Variants in GPC6 observed in about 807,000 individuals in gnomAD.
The protein encoded by GPC6 is glypican-6.
Under a neutral mutation model 55.2 loss-of-function variants are expected in GPC6, and 14 were observed. The ratio of observed to expected loss-of-function variants is 0.25; its 90% CI spans 0.17 to 0.40. The LOEUF is 0.40. Among genes scored for constraint, GPC6 ranks in the 10% least tolerant of loss-of-function variants. The probability of loss-of-function intolerance (pLI) is 1.00; values close to 1 mark genes in which losing one functional copy is unlikely to be tolerated. For missense variants in GPC6, 641 were observed against 708.5 expected, an observed-to-expected ratio of 0.90 and a Z score of 1.08; for synonymous variants, 278 against 259.6, an observed-to-expected ratio of 1.07 and a Z score of -0.68.
chr13:93,515,978 A>G (rs562529838), intron 1 of GPC6, among the ~76,000 whole-genome samples: 2 of 152,280 alleles, frequency 1.3e-5, no homozygotes, highest in South Asian at 4.1e-4. Flanking sequence ...GTCATTTCCT[A>G]AAAAATTCCC....
chr13:93,715,924 A>G (rs576989306), intron 2 of GPC6, among the ~76,000 whole-genome samples: 1 of 151,798 alleles, frequency 6.6e-6, no homozygotes, highest in African/African-American at 2.4e-5. Context: ...TGTCTATTCT[A>G]GATATCATAT....
At chr13:94,338,096 T>A (rs1230971507) in intron 6 of GPC6, among the ~76,000 whole-genome samples, 2 of 152,236 alleles carry the variant, frequency 1.3e-5, no homozygotes. Flanking sequence ...TTGAGGTTCT[T>A]CCTTAGCAAC....
intron 2 of GPC6, among the ~76,000 whole-genome samples, chr13:93,787,652 A>C (rs1442782884): frequency 6.6e-6 from 1 of 152,218 alleles, no homozygotes; most frequent in Non-Finnish European, 1.5e-5. Context: ...CCATCACCTT[A>C]AATATTTATC....
intron 4 of GPC6, among the ~76,000 whole-genome samples, chr13:94,144,404 AACACACACACACACACACAC>A (rs59772537): frequency 0.038 from 5,452 of 143,428 alleles, 140 homozygotes; most frequent in Non-Finnish European, 0.059. Flanking sequence ...GTGCTTTTAA[AACACACACACACACACACAC>A]ACACACACAC....
At chr13:93,529,212 G>A (rs180742954) in intron 1 of GPC6, among the ~76,000 whole-genome samples, 3 of 152,242 alleles carry the variant, frequency 2.0e-5, no homozygotes, top group African/African-American at 4.8e-5. Context: ...CTGATGTTAG[G>A]TCCTGCAGTT....
chr13:93,240,435 T>G (rs1285209353), intron 1 of GPC6, among the ~76,000 whole-genome samples: 1 of 152,200 alleles, frequency 6.6e-6, no homozygotes, highest in South Asian at 2.1e-4. Context: ...AATGTCTGAT[T>G]TATCTGATAT....
intron 3 of GPC6, among the ~76,000 whole-genome samples, chr13:93,976,477 A>C (rs370271788): frequency 7.9e-5 from 12 of 151,936 alleles, no homozygotes; most frequent in African/African-American, 2.2e-4. Flanking sequence ...TGACTAAAGA[A>C]TTAATACGAG....
At chr13:94,392,398 T>C (rs1880686072) in intron 7 of GPC6, among the ~76,000 whole-genome samples, 1 of 150,906 alleles carries the variant, frequency 6.6e-6, no homozygotes, top group African/African-American at 2.4e-5. Context: ...CTGGATCATA[T>C]GGTAATTCTA....
chr13:94,250,114 A>G (rs1460206416), intron 4 of GPC6, among the ~76,000 whole-genome samples: 2 of 152,180 alleles, frequency 1.3e-5, no homozygotes, highest in Non-Finnish European at 2.9e-5. Flanking sequence ...ACTGTGGATG[A>G]ACACCATGGA....
At chr13:93,841,977 A>G (rs1887970395) in intron 3 of GPC6, among the ~76,000 whole-genome samples, 2 of 152,202 alleles carry the variant, frequency 1.3e-5, no homozygotes, top group Non-Finnish European at 2.9e-5. Context: ...TATAGTAGGT[A>G]CAAATACAAG....
intron 2 of GPC6, among the ~76,000 whole-genome samples, chr13:93,620,075 C>CT (rs1203678279): frequency 6.6e-6 from 1 of 152,022 alleles, no homozygotes; most frequent in Non-Finnish European, 1.5e-5. Context: ...GACTTTATGC[C>CT]TTTTCTAAAG....
intron 4 of GPC6, among the ~76,000 whole-genome samples, chr13:94,121,901 C>A (rs1397960561): frequency 6.6e-6 from 1 of 152,064 alleles, no homozygotes; most frequent in Non-Finnish European, 1.5e-5. Context: ...CCTACCCAAC[C>A]ACTCATTCCA....
intron 1 of GPC6, among the ~76,000 whole-genome samples, chr13:93,499,117 A>ACACG (rs1880426326): frequency 6.6e-6 from 1 of 151,952 alleles, no homozygotes; most frequent in Non-Finnish European, 1.5e-5. Context: ...ACACACACAC[A>ACACG]CAGAAACACA....
chr13:93,700,469 G>T (rs185202733), intron 2 of GPC6, among the ~76,000 whole-genome samples: 2 of 152,218 alleles, frequency 1.3e-5, no homozygotes, highest in South Asian at 2.1e-4. Context: ...GACCAATCCA[G>T]CAAGACTTAC....
intron 1 of GPC6, among the ~76,000 whole-genome samples, chr13:93,261,693 G>A (rs1877153220): frequency 1.3e-5 from 2 of 152,158 alleles, no homozygotes; most frequent in African/African-American, 2.4e-5. Context: ...CTCCCCCAGG[G>A]ATGGGTTTAT....
chr13:93,443,601 C>A (rs994884545), intron 1 of GPC6, among the ~76,000 whole-genome samples: 1 of 152,104 alleles, frequency 6.6e-6, no homozygotes, highest in Admixed American at 6.6e-5. Flanking sequence ...CTTGGGAATA[C>A]AACAGCACAT....
At chr13:94,035,067 G>A (rs559011123) in intron 4 of GPC6, among the ~76,000 whole-genome samples, 8 of 152,070 alleles carry the variant, frequency 5.3e-5, no homozygotes, top group African/African-American at 1.7e-4. Flanking sequence ...AAGGTAGTTA[G>A]AGAATTTGCC....
At chr13:93,340,717 A>G (rs1324955126) in intron 1 of GPC6, among the ~76,000 whole-genome samples, 1 of 152,180 alleles carries the variant, frequency 6.6e-6, no homozygotes, top group African/African-American at 2.4e-5. Context: ...TTGGAGGCCT[A>G]TAGGCCTCAT....
chr13:93,733,098 G>C (rs527702457), intron 2 of GPC6, among the ~76,000 whole-genome samples: 28 of 151,906 alleles, frequency 1.8e-4, no homozygotes, highest in African/African-American at 4.4e-4. Flanking sequence ...ATTACTTCCA[G>C]TATGCCACTT....
Sources: allele counts gnomAD v4.1 joint callset (sites outside exome capture counted in the v4.1 genomes callset), GRCh38; gene constraint gnomAD v4.1.1; transcripts MANE v1.5; gene names NCBI Gene and HGNC (gene_info 2026-07-23, HGNC 2026-07-21).